Variants in UNC5D observed in about 807,000 individuals in gnomAD.
UNC5D encodes the protein unc-5 netrin receptor D.
UNC5D carries 39 observed loss-of-function variants against 105.4 expected under a neutral mutation model. That is an observed-to-expected ratio of 0.37 (90% CI 0.29 to 0.48). The LOEUF is 0.48. Among genes scored for constraint, UNC5D ranks in the 20% least tolerant of loss-of-function variants. The pLI, the probability that UNC5D is intolerant of heterozygous loss-of-function variation, is 0.98. For missense variants in UNC5D, 991 were observed against 1,202.4 expected, an observed-to-expected ratio of 0.82 and a Z score of 2.60; for synonymous variants, 452 against 450.4, an observed-to-expected ratio of 1.00 and a Z score of -0.04.
chr8:35,370,154 A>G (rs1802347758), intron 1 of UNC5D, among the ~76,000 whole-genome samples: 1 of 152,176 alleles, frequency 6.6e-6, no homozygotes, highest in Non-Finnish European at 1.5e-5. Flanking sequence ...ACTTGAACCT[A>G]GTGAAATATG....
chr8:35,522,164 T>G (rs1327999159), intron 1 of UNC5D, among the ~76,000 whole-genome samples: 2 of 152,298 alleles, frequency 1.3e-5, no homozygotes, highest in East Asian at 3.9e-4. Flanking sequence ...AACATTTATA[T>G]TTTTTTATTT....
At chr8:35,248,719 A>T (rs1419098098) in intron 1 of UNC5D, among the ~76,000 whole-genome samples, 2 of 100,560 alleles carry the variant, frequency 2.0e-5, no homozygotes, top group Non-Finnish European at 3.5e-5. Flanking sequence ...TATATATAAA[A>T]TATATAAAAA....
At chr8:35,291,318 G>T (rs1807050817) in intron 1 of UNC5D, among the ~76,000 whole-genome samples, 1 of 152,148 alleles carries the variant, frequency 6.6e-6, no homozygotes, top group African/African-American at 2.4e-5. Flanking sequence ...AGACAAAATA[G>T]AATTTAAGTA....
intron 4 of UNC5D, 71 bp downstream of exon 4, chr8:35,595,728 G>T: frequency 7.1e-7 from 1 of 1,409,462 alleles, no homozygotes; most frequent in Non-Finnish European, 1.0e-6. Context: ...GCGGAGTCCT[G>T]TGTGGCTGGA....
At chr8:35,495,238 TA>T in intron 1 of UNC5D, among the ~76,000 whole-genome samples, 1 of 152,062 alleles carries the variant, frequency 6.6e-6, no homozygotes, top group African/African-American at 2.4e-5. Context: ...AGGAATGAGA[TA>T]AGGAAAGTAT....
intron 10 of UNC5D, among the ~76,000 whole-genome samples, chr8:35,730,575 T>C (rs1829132990): frequency 6.6e-6 from 1 of 152,162 alleles, no homozygotes; most frequent in Non-Finnish European, 1.5e-5. Context: ...TCTAGCACAG[T>C]ATTAGATCAC....
intron 1 of UNC5D, among the ~76,000 whole-genome samples, chr8:35,292,704 T>C: frequency 7.0e-6 from 1 of 143,056 alleles, no homozygotes; most frequent in Non-Finnish European, 1.5e-5. Flanking sequence ...CTGTAGTCCC[T>C]CCTTTTTTTT....
intron 1 of UNC5D, among the ~76,000 whole-genome samples, chr8:35,424,691 A>C (rs1010846018): frequency 1.3e-5 from 2 of 152,208 alleles, no homozygotes; most frequent in Admixed American, 1.3e-4. Context: ...ATTCAGCTAC[A>C]CACTCATCTC....
chr8:35,730,961 C>T (rs776783343), intron 10 of UNC5D, 51 bp from the exon 11 acceptor site: 1 of 1,574,204 alleles, frequency 6.4e-7, no homozygotes, highest in Admixed American at 1.7e-5. Flanking sequence ...TGACAAACTT[C>T]ATGATAATTG....
intron 1 of UNC5D, among the ~76,000 whole-genome samples, chr8:35,516,943 T>A (rs547948266): frequency 9.8e-5 from 15 of 152,342 alleles, no homozygotes; most frequent in African/African-American, 3.6e-4. Context: ...GAACTTTAAG[T>A]TGAAATGGGT....
intron 1 of UNC5D, among the ~76,000 whole-genome samples, chr8:35,375,700 A>C (rs1302112685): frequency 6.6e-6 from 1 of 152,204 alleles, no homozygotes; most frequent in Non-Finnish European, 1.5e-5. Flanking sequence ...CTCTTATCCA[A>C]ACTGTTAATT....
intron 4 of UNC5D, among the ~76,000 whole-genome samples, chr8:35,649,504 A>G (rs1823275064): frequency 6.6e-6 from 1 of 152,204 alleles, no homozygotes; most frequent in Non-Finnish European, 1.5e-5. Flanking sequence ...TCTGGACTCT[A>G]ACGATTAATT....
chr8:35,600,461 C>T (rs866840536), intron 4 of UNC5D, among the ~76,000 whole-genome samples: 1 of 152,212 alleles, frequency 6.6e-6, no homozygotes, highest in Middle Eastern at 3.4e-3. Flanking sequence ...CTCTCCAGCA[C>T]CTGTTGTTTC....
intron 1 of UNC5D, among the ~76,000 whole-genome samples, chr8:35,503,336 T>C (rs1812090545): frequency 6.6e-6 from 1 of 152,120 alleles, no homozygotes; most frequent in Non-Finnish European, 1.5e-5. Context: ...CTCACAATCA[T>C]GGTGGCAGGC....
At chr8:35,609,551 T>C (rs1820540943) in intron 4 of UNC5D, among the ~76,000 whole-genome samples, 1 of 152,220 alleles carries the variant, frequency 6.6e-6, no homozygotes, top group Non-Finnish European at 1.5e-5. Context: ...TGGAGATGTC[T>C]ACCAATGCCT....
intron 1 of UNC5D, among the ~76,000 whole-genome samples, chr8:35,248,682 A>G (rs1387048001): frequency 5.9e-5 from 6 of 100,996 alleles, no homozygotes; most frequent in African/African-American, 8.6e-5. Context: ...TATATATAAT[A>G]TATATAAAAT....
At chr8:35,700,764 G>A (rs1472826437) in intron 7 of UNC5D, among the ~76,000 whole-genome samples, 1 of 152,116 alleles carries the variant, frequency 6.6e-6, no homozygotes, top group African/African-American at 2.4e-5. Context: ...GGCATGGTGG[G>A]ACCAGAAATG....
At chr8:35,765,853 A>G (rs1295352730) in intron 14 of UNC5D, among the ~76,000 whole-genome samples, 1 of 152,134 alleles carries the variant, frequency 6.6e-6, no homozygotes, top group African/African-American at 2.4e-5. Flanking sequence ...AGAAAATTTT[A>G]TTTTTAGCAA....
chr8:35,740,107 T>A (rs1026981508), intron 11 of UNC5D, among the ~76,000 whole-genome samples: 1 of 152,112 alleles, frequency 6.6e-6, no homozygotes, highest in South Asian at 2.1e-4. Flanking sequence ...CAATAGTGGA[T>A]CAGGAGACAG....
Sources: allele counts gnomAD v4.1 joint callset (sites outside exome capture counted in the v4.1 genomes callset), GRCh38; gene constraint gnomAD v4.1.1; transcripts MANE v1.5; gene names NCBI Gene and HGNC (gene_info 2026-07-23, HGNC 2026-07-21).